Variants in BEST3 observed in about 807,000 individuals in gnomAD.
BEST3 encodes bestrophin-3.
Under a neutral mutation model 47.1 loss-of-function variants are expected in BEST3, and 50 were observed. The observed-to-expected ratio is 1.06, with a 90% CI of 0.85 to 1.34. The LOEUF (loss-of-function observed/expected upper bound fraction) is 1.34. BEST3 is among the 40% of genes most tolerant of loss of function. BEST3 has a pLI of 0.00. For synonymous variants in BEST3, 282 were observed against 298.8 expected, an observed-to-expected ratio of 0.94 and a Z score of 0.58; for missense variants, 765 against 817.0, an observed-to-expected ratio of 0.94 and a Z score of 0.78.
rs886693115 is a variant in BEST3 at position 69,665,966 on chromosome 12, G to T, written c.1100+5462C>A. Among the ~76,000 whole-genome samples the T allele has an allele frequency of 2.4e-4, 37 of 152,238 alleles. No homozygotes were observed. The Middle Eastern group carries it at 0.01, about 42-fold the overall frequency. ...TGGCCGTAACTTGATAATTGAAGTG[G>T]TGATGGGTACATGGAGCTTTTTCAT... On this transcript the variant is annotated intron_variant, in intron 9 of 9. Transcript: ENST00000330891.
At chr12:69,684,704 C>A in intron 4 of BEST3, 1 of 486,672 alleles carries the variant, frequency 2.1e-6, no homozygotes, top group South Asian at 3.9e-5. Context: ...GTTTTTATCT[C>A]TGTGTTTTCC....
chr12:69,679,553 C>T (rs909665459), intron 4 of BEST3, among the ~76,000 whole-genome samples: 1 of 152,170 alleles, frequency 6.6e-6, no homozygotes, highest in African/African-American at 2.4e-5. Context: ...TAGCATTTTG[C>T]ACATACTTTA....
At chr12:69,656,975 A>G (rs1392327854) in intron 9 of BEST3, among the ~76,000 whole-genome samples, 1 of 152,220 alleles carries the variant, frequency 6.6e-6, no homozygotes, top group Non-Finnish European at 1.5e-5. Context: ...TCATCCAGTT[A>G]GGGTGAACTT....
intron 4 of BEST3, among the ~76,000 whole-genome samples, chr12:69,685,185 T>C (rs710713): frequency 0.7 from 106,477 of 151,976 alleles, 37,377 homozygotes; most frequent in South Asian, 0.81. Flanking sequence ...CAATAAGGAA[T>C]AGAGACAGAC....
chr12:69,643,702 G>T, exon 10 of BEST3: 1 of 703,620 alleles, frequency 1.4e-6, no homozygotes, highest in South Asian at 1.5e-5. Context: ...TAACCACCAG[G>T]ATCACTCTTA....
At chr12:69,650,720 C>T (rs1219297408), downstream of BEST3, among the ~76,000 whole-genome samples, 2 of 152,144 alleles carry the variant, frequency 1.3e-5, no homozygotes, top group Non-Finnish European at 2.9e-5. Flanking sequence ...AACTACTTTT[C>T]TCCAGTTCCA....
At chr12:69,670,228 CCATGG>C (rs1884473778) in intron 9 of BEST3, 3 of 504,722 alleles carry the variant, frequency 5.9e-6, no homozygotes, top group African/African-American at 1.9e-5. Context: ...AGATTCCTAT[CCATGG>C]AAACTGAGAA....
At chr12:69,667,346 G>C (rs1047076130) in intron 9 of BEST3, among the ~76,000 whole-genome samples, 1 of 152,064 alleles carries the variant, frequency 6.6e-6, no homozygotes, top group African/African-American at 2.4e-5. Context: ...CCAGGCTGGA[G>C]TATAACGGTG....
intron 4 of BEST3, among the ~76,000 whole-genome samples, chr12:69,686,771 C>CAAAAAAAAA (rs1555208491): frequency 4.0e-5 from 2 of 49,934 alleles, no homozygotes; most frequent in Non-Finnish European, 6.8e-5. Context: ...GATTCTGCCT[C>CAAAAAAAAA]AAAAAAACAA....
intron 9 of BEST3, among the ~76,000 whole-genome samples, chr12:69,662,850 A>G (rs1883950501): frequency 6.6e-6 from 1 of 152,360 alleles, no homozygotes; most frequent in Admixed American, 6.5e-5. Flanking sequence ...GATTACAGTC[A>G]GCAGTTTAAA....
chr12:69,650,581 G>A (rs1026575503), downstream of BEST3, among the ~76,000 whole-genome samples: 5 of 152,210 alleles, frequency 3.3e-5, no homozygotes, highest in African/African-American at 1.2e-4. Context: ...AGTTTTTACA[G>A]TTGTAGTTGT....
chr12:69,677,234 C>G lies in BEST3; in HGVS notation c.660G>C (p.Trp220Cys). 1.9e-6 allele frequency: 3 copies of G among 1,613,212 alleles called. No individual in the cohort carries two copies. Among genetic ancestry groups the G allele is most frequent in the Non-Finnish European group, 2.5e-6 (3 of 1,179,574 alleles). The change falls in exon 6 of 10, where the codon TGG becomes TGC. Residue 220 changes from tryptophan (W) to cysteine (C), a missense_variant. Physicochemically the swap from Trp to Cys is radical, Grantham distance 215. Transcript: ENST00000330891. ...AGTCATAACCGAATAAGAGGCTGCA[C>G]CAAGAGCGGTATCGATTCATTTCCT... is the stretch of plus-strand genomic sequence containing the variant. ...LMTEMNRYRSWCSLLFGYDWV... is the reference protein window; with the variant it reads ...LMTEMNRYRSCCSLLFGYDWV...
intron 9 of BEST3, among the ~76,000 whole-genome samples, chr12:69,657,318 A>T (rs559466166): frequency 6.6e-6 from 1 of 152,052 alleles, no homozygotes; most frequent in Admixed American, 6.6e-5. Context: ...CTGGTCTCGA[A>T]CTCCTGACCT....
intron 9 of BEST3, among the ~76,000 whole-genome samples, chr12:69,666,529 C>T (rs1221206145): frequency 3.3e-5 from 5 of 152,156 alleles, no homozygotes; most frequent in Non-Finnish European, 7.3e-5. Context: ...CTTGGCAGGG[C>T]ATTTTCTGGG....
In BEST3 at chr12:69,693,753, G is replaced by C. The variant is rs771287534; in HGVS notation, c.402C>G (p.Leu134=). 1.9e-6 allele frequency: 3 copies of C among 1,614,194 alleles called. No homozygotes were observed. Among genetic ancestry groups the C allele is most frequent in the Admixed American group, 1.7e-5 (1 of 60,028 alleles). The part of the protein sequence containing the change: ...LRRTLMRYVN[L]TSLLIFRSVS... ...CCGAGCGAAAGATGAGCAGGGAGGTGAGATTGACGTAGCGCATCAGCGTCC... is the reference window on the plus strand; with the variant it reads ...CCGAGCGAAAGATGAGCAGGGAGGTCAGATTGACGTAGCGCATCAGCGTCC... The change falls in exon 4 of 10, where the codon CTC becomes CTG. Residue 134 remains leucine (L), a synonymous_variant. Coordinates refer to ENST00000330891, the MANE Select transcript of BEST3 (RefSeq NM_032735.3).
At chr12:69,682,820 G>A (rs1319980770) in intron 4 of BEST3, among the ~76,000 whole-genome samples, 2 of 152,064 alleles carry the variant, frequency 1.3e-5, no homozygotes, top group Middle Eastern at 3.2e-3. Context: ...CAAGTGATCT[G>A]CCCACCTTGG....
intron 9 of BEST3, chr12:69,670,222 T>TAAA (rs1884472523): frequency 6.0e-6 from 3 of 497,810 alleles, no homozygotes; most frequent in African/African-American, 1.9e-5. Context: ...AACAAGAGAT[T>TAAA]CCTATCCATG....
At position 69,693,883 on chromosome 12, in the gene BEST3, T is replaced by C. The variant is rs200108910; in HGVS notation, c.272A>G (p.Asn91Ser). Residue 91 changes from asparagine (N) to serine (S), a missense_variant, in exon 4 of 10, where the codon AAC (asparagine) becomes AGC (serine). Transcript: ENST00000330891. ...VLGFYVTLVV[N>S]RWWNQFVNLP... ...ATTCACAAACTGGTTCCACCATCGGTTCACTACCAGAGTAACATAAAACCC... is the reference window on the plus strand; with the variant it reads ...ATTCACAAACTGGTTCCACCATCGGCTCACTACCAGAGTAACATAAAACCC... The C allele has an allele frequency of 2.7e-5, 43 of 1,611,512 alleles. No individual in the cohort carries two copies. The highest frequency in any genetic ancestry group is 3.6e-5 in the Non-Finnish European group (43 of 1,178,790).
chr12:69,655,042 G>C lies in BEST3; in HGVS notation c.1872C>G (p.Ser624=). 1.2e-6 allele frequency: 2 copies of C among 1,614,168 alleles called. No individual in the cohort carries two copies. Among genetic ancestry groups the C allele is most frequent in the Non-Finnish European group, 1.7e-6 (2 of 1,180,024 alleles). Residue 624 remains serine, a synonymous_variant, in exon 10 of 10, where the codon TCC becomes TCG. Transcript: ENST00000330891. ...CAATGTTGATCCCACTGATCTCTGA[G>C]GATGTTTCTGTGTCAATTAAAAGAG... is the stretch of plus-strand genomic sequence containing the variant. ...QPALLIDTET[S]SEISGINIVA... is the part of the protein sequence containing the mutation.
Sources: gnomAD v4.1 joint callset for allele counts (sites outside exome capture counted in the v4.1 genomes callset) on GRCh38, gnomAD v4.1.1 for gene constraint, MANE v1.5 for transcripts, NCBI Gene and HGNC (gene_info 2026-07-23, HGNC 2026-07-21) for gene names.